The following STAG1 variants were observed in gnomAD, a reference collection of about 807,000 sequenced individuals.
STAG1 encodes the protein STAG1 cohesin complex component.
A neutral mutation model predicts 170.9 loss-of-function variants in STAG1; 26 were observed. The observed-to-expected ratio is 0.15, with a 90% CI of 0.11 to 0.21. STAG1 has a LOEUF of 0.21. STAG1 is among the 10% of genes least tolerant of loss of function. The pLI is 1.00. For synonymous variants in STAG1, 514 were observed against 497.7 expected, an observed-to-expected ratio of 1.03 and a Z score of -0.44; for missense variants, 964 against 1,509.5, an observed-to-expected ratio of 0.64 and a Z score of 5.99.
chr3:136,630,265 G>A (rs1214311323), intron 2 of STAG1, among the ~76,000 whole-genome samples: 1 of 152,066 alleles, frequency 6.6e-6, no homozygotes, highest in East Asian at 1.9e-4. Context: ...CTAATGGGAC[G>A]CCATCAAAAA....
intron 1 of STAG1, among the ~76,000 whole-genome samples, chr3:136,724,709 A>T (rs1047770574): frequency 1.3e-5 from 2 of 152,214 alleles, no homozygotes; most frequent in African/African-American, 4.8e-5. Flanking sequence ...GGTACACAGA[A>T]GTCAGAAAGA....
intron 1 of STAG1, among the ~76,000 whole-genome samples, chr3:136,744,346 A>C (rs1293853915): frequency 1.3e-5 from 2 of 152,150 alleles, no homozygotes; most frequent in African/African-American, 4.8e-5. Flanking sequence ...AAATACAAGG[A>C]TTTCATTCAT....
chr3:136,451,316 T>C (rs1028298280), intron 14 of STAG1, among the ~76,000 whole-genome samples: 14 of 152,226 alleles, frequency 9.2e-5, no homozygotes, highest in African/African-American at 3.4e-4. Flanking sequence ...CTCGTACAAC[T>C]ATCAATTAAA....
chr3:136,687,447 G>C (rs1559951664), intron 1 of STAG1, among the ~76,000 whole-genome samples: 1 of 151,728 alleles, frequency 6.6e-6, no homozygotes, highest in Non-Finnish European at 1.5e-5. Flanking sequence ...TAATTTTAAA[G>C]TCTTTTGTGT....
At chr3:136,408,252 T>C (rs1053040562) in intron 21 of STAG1, among the ~76,000 whole-genome samples, 2 of 152,212 alleles carry the variant, frequency 1.3e-5, no homozygotes, top group Non-Finnish European at 2.9e-5. Flanking sequence ...GAGAAAGGTA[T>C]GTCCACTTTC....
chr3:136,677,122 A>G (rs1942150600), intron 1 of STAG1, among the ~76,000 whole-genome samples: 1 of 152,230 alleles, frequency 6.6e-6, no homozygotes, highest in African/African-American at 2.4e-5. Context: ...TACACTCTAA[A>G]ATAACAATTG....
chr3:136,373,598 C>T (rs1576401822), intron 23 of STAG1, among the ~76,000 whole-genome samples: 1 of 152,194 alleles, frequency 6.6e-6, no homozygotes, highest in East Asian at 1.9e-4. Flanking sequence ...GCCTTCATTT[C>T]ATTATGTACC....
At chr3:136,661,934 T>C (rs964184981) in intron 1 of STAG1, among the ~76,000 whole-genome samples, 1 of 152,164 alleles carries the variant, frequency 6.6e-6, no homozygotes, top group African/African-American at 2.4e-5. Context: ...GAACCAATGA[T>C]CTAACTCAGA....
intron 9 of STAG1, among the ~76,000 whole-genome samples, chr3:136,488,983 G>T (rs868773539): frequency 2.0e-5 from 3 of 151,802 alleles, no homozygotes; most frequent in African/African-American, 7.3e-5. Flanking sequence ...TAATGCAGGG[G>T]GTGCAAAAAA....
chr3:136,491,256 T>A (rs2090119489), intron 9 of STAG1, among the ~76,000 whole-genome samples: 1 of 152,178 alleles, frequency 6.6e-6, no homozygotes, highest in Non-Finnish European at 1.5e-5. Flanking sequence ...TAGCTGGGAC[T>A]ACAGGTGCAC....
chr3:136,660,729 G>A (rs1186010518), intron 1 of STAG1, among the ~76,000 whole-genome samples: 1 of 152,024 alleles, frequency 6.6e-6, no homozygotes, highest in Non-Finnish European at 1.5e-5. Flanking sequence ...AGCACTTTGG[G>A]AGGCTAAGGT....
At chr3:136,533,461 G>C (rs560217117) in intron 6 of STAG1, among the ~76,000 whole-genome samples, 1 of 152,052 alleles carries the variant, frequency 6.6e-6, no homozygotes, top group Non-Finnish European at 1.5e-5. Flanking sequence ...CTCAGGTTCT[G>C]GAAGCTGTAT....
intron 1 of STAG1, among the ~76,000 whole-genome samples, chr3:136,633,313 A>G (rs1940407285): frequency 6.6e-6 from 1 of 152,160 alleles, no homozygotes; most frequent in Non-Finnish European, 1.5e-5. Context: ...AAAGAACTAT[A>G]TAACCAGTAA....
At chr3:136,716,183 A>G (rs1576802782) in intron 1 of STAG1, among the ~76,000 whole-genome samples, 1 of 152,026 alleles carries the variant, frequency 6.6e-6, no homozygotes, top group East Asian at 1.9e-4. Flanking sequence ...CATGGCGGGC[A>G]CAGTGGCTCA....
chr3:136,512,002 C>T, intron 7 of STAG1, among the ~76,000 whole-genome samples: 1 of 150,108 alleles, frequency 6.7e-6, no homozygotes, highest in East Asian at 2.0e-4. Context: ...CACCTATAAT[C>T]CTAGCACTTT....
chr3:136,562,653 T>A lies in STAG1; in HGVS notation c.394+6112A>T, dbSNP rs567415036. On this transcript the variant is annotated intron_variant, in intron 5 of 33. Transcript: ENST00000383202. ...CCCAGGCAGGAGTGCAATGGTGTGA[T>A]CTTGGCTCATTGCAACCTCTGTCTC... is the stretch of plus-strand genomic sequence containing the variant. 3.3e-5 allele frequency among the ~76,000 whole-genome samples: 5 copies of A among 152,186 alleles called. No individual in the cohort carries two copies. In the South Asian group the frequency reaches 1.0e-3, roughly 32 times the overall value.
chr3:136,378,058 G>A (rs765837785), intron 22 of STAG1, among the ~76,000 whole-genome samples: 2 of 152,128 alleles, frequency 1.3e-5, no homozygotes, highest in Non-Finnish European at 2.9e-5. Flanking sequence ...TCATTCCTGT[G>A]ACACACATTA....
Position 136,752,340 on chromosome 3 carries a change from T to A in STAG1, c.-229A>T, listed in dbSNP as rs1375145839. The A allele has an allele frequency of 2.0e-5, 3 of 152,634 alleles. No homozygotes were observed. Among genetic ancestry groups the A allele is most frequent in the Non-Finnish European group, 4.4e-5 (3 of 68,188 alleles). The allele number at this position is 152,634 out of a possible 1,614,324, so 9.5% of individuals were successfully genotyped here. ...GGCCGCGCCTTCAACGGAGCTGCAA[T>A]CCTAACCCGCCATCTGGTGGCATTT... On this transcript the variant is annotated 5_prime_UTR_variant, in exon 1 of 34. Coordinates refer to ENST00000383202, the MANE Select transcript of STAG1 (RefSeq NM_005862.3).
chr3:136,442,346 T>G (rs1424734655), intron 15 of STAG1, among the ~76,000 whole-genome samples: 8 of 152,254 alleles, frequency 5.3e-5, no homozygotes, highest in Non-Finnish European at 1.2e-4. Flanking sequence ...TGGGCTAGTT[T>G]GAAAACGTAA....
Sources: allele counts gnomAD v4.1 joint callset (sites outside exome capture counted in the v4.1 genomes callset), GRCh38; gene constraint gnomAD v4.1.1; transcripts MANE v1.5; gene names NCBI Gene and HGNC (gene_info 2026-07-23, HGNC 2026-07-21).